Variants in DNM3 observed in about 807,000 individuals in gnomAD.
DNM3 encodes dynamin 3.
In DNM3, 47 loss-of-function variants were observed where a neutral mutation model predicts 101.6. The ratio of observed to expected loss-of-function variants is 0.46; its 90% confidence interval spans 0.37 to 0.59. The LOEUF (loss-of-function observed/expected upper bound fraction) is 0.59, where lower values mean the gene tolerates loss of function less well. DNM3 is among the 20% of genes least tolerant of loss of function. The pLI is 0.00. For synonymous variants in DNM3, 385 were observed against 387.9 expected (o/e 0.99, Z 0.09); for missense variants, 849 against 1,085.7 (o/e 0.78, Z 3.06).
chr1:172,029,299 C>T (rs958275446), intron 4 of DNM3, among the ~76,000 whole-genome samples: 6 of 151,394 alleles, frequency 4.0e-5, no homozygotes, highest in Non-Finnish European at 5.9e-5. Context: ...ACAGAACCAA[C>T]GACAAAAACC....
intron 15 of DNM3, among the ~76,000 whole-genome samples, chr1:172,274,856 C>T (rs2063220979): frequency 6.6e-6 from 1 of 151,738 alleles, no homozygotes; most frequent in Non-Finnish European, 1.5e-5. Flanking sequence ...GGTCTAAACA[C>T]TTGAACAAGA....
intron 1 of DNM3, among the ~76,000 whole-genome samples, chr1:171,916,913 A>G (rs1386782970): frequency 6.6e-6 from 1 of 152,206 alleles, no homozygotes; most frequent in Admixed American, 6.5e-5. Context: ...ATGTCTTCGT[A>G]TATCTGATTT....
intron 2 of DNM3, chr1:171,970,160 C>A (rs142260697): frequency 5.5e-5 from 32 of 583,512 alleles, no homozygotes; most frequent in Middle Eastern, 8.8e-4. Context: ...CGATGGAATA[C>A]TTTGAAGCAC....
rs2068313271 is a variant in DNM3, at chr1:172,371,386, G to T, written c.1894-7632G>T. ...AAACACGCTTAAAGAAGGAGAGTCT[G>T]TCTGCAAGGAACCTTCTGAATTCTT... On this transcript the variant is annotated intron_variant, in intron 17 of 20. Transcript: ENST00000627582. Among the ~76,000 whole-genome samples, 3 of 151,960 alleles carry T rather than the reference G, an allele frequency of 2.0e-5. No individual in the cohort carries two copies. In the South Asian group the frequency reaches 6.2e-4, roughly 31 times the overall value.
chr1:172,286,167 G>C (rs960122431), intron 15 of DNM3, among the ~76,000 whole-genome samples: 3 of 151,832 alleles, frequency 2.0e-5, no homozygotes, highest in Non-Finnish European at 4.4e-5. Flanking sequence ...GAAGGAAGAG[G>C]CCAAGCTAGC....
intron 2 of DNM3, among the ~76,000 whole-genome samples, chr1:171,965,824 C>A (rs2043548213): frequency 6.6e-6 from 1 of 152,144 alleles, no homozygotes; most frequent in Non-Finnish European, 1.5e-5. Flanking sequence ...CAGCTCCTCT[C>A]CCCTCCCTGG....
intron 14 of DNM3, among the ~76,000 whole-genome samples, chr1:172,132,708 A>G (rs2148089354): frequency 6.6e-6 from 1 of 152,334 alleles, no homozygotes; most frequent in South Asian, 2.1e-4. Flanking sequence ...ACAAGGCCGC[A>G]GAAAATATTT....
intron 13 of DNM3, among the ~76,000 whole-genome samples, chr1:172,114,351 A>G (rs2055735765): frequency 6.6e-6 from 1 of 152,180 alleles, no homozygotes; most frequent in African/African-American, 2.4e-5. Flanking sequence ...TGTGGCAAAG[A>G]GTGGAAAGAG....
At chr1:172,261,346 C>T (rs939993788) in intron 15 of DNM3, among the ~76,000 whole-genome samples, 4 of 152,162 alleles carry the variant, frequency 2.6e-5, no homozygotes, top group Non-Finnish European at 5.9e-5. Context: ...TCTGACTATG[C>T]GTAGTGGTGT....
chr1:172,314,927 G>A (rs544197163), intron 16 of DNM3, among the ~76,000 whole-genome samples: 1 of 152,196 alleles, frequency 6.6e-6, no homozygotes, highest in Non-Finnish European at 1.5e-5. Context: ...AGAACAGGCA[G>A]ACTGCCTCCT....
intron 1 of DNM3, among the ~76,000 whole-genome samples, chr1:171,871,406 T>G (rs1382842951): frequency 6.6e-6 from 1 of 152,218 alleles, no homozygotes; most frequent in Non-Finnish European, 1.5e-5. Flanking sequence ...TGCCTAAATC[T>G]TTGGTGTTTC....
At chr1:172,253,428 A>T (rs1394402467) in intron 14 of DNM3, 145 bp from the exon 15 acceptor site, 2 of 601,292 alleles carry the variant, frequency 3.3e-6, no homozygotes, top group African/African-American at 3.7e-5. Flanking sequence ...AGTGTTAGCC[A>T]ACTCAGGTGA....
chr1:172,376,522 A>G (rs1386705140), intron 17 of DNM3: 3 of 152,080 alleles, frequency 2.0e-5, no homozygotes, highest in Non-Finnish European at 4.4e-5. Context: ...GGGGTTAGAG[A>G]AAAGGAAGTG....
At chr1:172,396,888 G>C (rs1217112295) in intron 20 of DNM3, among the ~76,000 whole-genome samples, 1 of 152,064 alleles carries the variant, frequency 6.6e-6, no homozygotes, top group African/African-American at 2.4e-5. Flanking sequence ...ACTTTTAAAG[G>C]CATTTCGCAG....
At chr1:171,885,287 T>C (rs9425817) in intron 1 of DNM3, among the ~76,000 whole-genome samples, 64,830 of 151,984 alleles carry the variant, frequency 0.43, 13,965 homozygotes, top group African/African-American at 0.44. Flanking sequence ...CATCAAAACA[T>C]CAAAATTTTA....
chr1:172,080,837 C>G (rs1407970050), intron 11 of DNM3, among the ~76,000 whole-genome samples: 1 of 152,148 alleles, frequency 6.6e-6, no homozygotes, highest in Non-Finnish European at 1.5e-5. Flanking sequence ...ATGCACCATT[C>G]CTCACAGCAC....
rs183666209 is a variant in DNM3, at chr1:171,898,197, A to C, written c.162-23551A>C. On this transcript the variant is annotated intron_variant, in intron 1 of 20. Transcript: ENST00000627582. ...TTTGCCCTAATTGGCCAGTGGTAAA[A>C]TTTAACCTTGGTTTTCATGGTCTTA... is the stretch of plus-strand genomic sequence containing the variant. 6.6e-5 allele frequency among the ~76,000 whole-genome samples: 10 copies of C among 152,260 alleles called. No homozygotes were observed. In the East Asian group the frequency reaches 1.7e-3, roughly 26 times the overall value.
At chr1:172,138,531 T>C (rs2057387277) in intron 14 of DNM3, 1 of 172,694 alleles carries the variant, frequency 5.8e-6, no homozygotes, top group Non-Finnish European at 1.3e-5. Context: ...AGGTCAAGGG[T>C]AGTGATTTGC....
chr1:172,122,863 A>T (rs371805230), intron 13 of DNM3, among the ~76,000 whole-genome samples: 26 of 152,312 alleles, frequency 1.7e-4, no homozygotes, highest in African/African-American at 6.3e-4. Flanking sequence ...TTGTCAGTTA[A>T]ATAGAAGTAC....
Sources: allele counts gnomAD v4.1 joint callset (sites outside exome capture counted in the v4.1 genomes callset), GRCh38; gene constraint gnomAD v4.1.1; transcripts MANE v1.5; gene names NCBI Gene and HGNC (gene_info 2026-07-23, HGNC 2026-07-21).